The following NLRC5 variants were observed in gnomAD, a reference collection of about 807,000 sequenced individuals.
NLRC5 encodes the protein NLR family CARD domain containing 5, also known as protein NLRC5.
NLRC5 carries 114 observed loss-of-function variants against 206.9 expected under a neutral mutation model. That is an observed-to-expected ratio of 0.55 (90% CI 0.47 to 0.64). The LOEUF (loss-of-function observed/expected upper bound fraction) is 0.64, where lower values mean the gene tolerates loss of function less well. Among genes scored for constraint, NLRC5 ranks in the 30% least tolerant of loss-of-function variants. The pLI is 0.00. For missense variants in NLRC5, 2,008 were observed against 2,305.5 expected, an observed-to-expected ratio of 0.87 and a Z score of 2.64; for synonymous variants, 952 against 962.8, an observed-to-expected ratio of 0.99 and a Z score of 0.21.
intron 48 of NLRC5, 24 bp from the exon 49 acceptor site, chr16:57,082,393 A>G (rs1234237923): frequency 3.3e-6 from 5 of 1,535,646 alleles, no homozygotes; most frequent in Non-Finnish European, 3.6e-6. Context: ...AGGATGAATG[A>G]GTGCCTATAT....
intron 25 of NLRC5, 24 bp from the exon 26 acceptor site, chr16:57,055,008 T>A (rs772069146): frequency 4.3e-6 from 7 of 1,614,030 alleles, no homozygotes; most frequent in Non-Finnish European, 5.9e-6. Context: ...CACAGCTGTC[T>A]GACCCAGGTC....
At chr16:57,040,463 T>C (rs1046642705) in intron 16 of NLRC5, among the ~76,000 whole-genome samples, 187 bp from the exon 17 acceptor site, 1 of 152,134 alleles carries the variant, frequency 6.6e-6, no homozygotes, top group Non-Finnish European at 1.5e-5. Context: ...ACATACAGTC[T>C]CCCATTGAGA....
chr16:57,048,035 G>A (rs1334549166), intron 23 of NLRC5: 3 of 184,264 alleles, frequency 1.6e-5, no homozygotes, highest in South Asian at 1.4e-4. Flanking sequence ...CACCTCACTC[G>A]CCCCAGAACA....
chr16:57,078,000 C>T lies in NLRC5; in HGVS notation c.5061C>T (p.Pro1687=), dbSNP rs2145096108. Reference sequence around the variant, plus strand: ...CCCTGGGGCTGGCTCAGGAGCTGCCCCAGCACCTGAGGGTCCTACAGTGAG... The same window carrying T: ...CCCTGGGGCTGGCTCAGGAGCTGCCTCAGCACCTGAGGGTCCTACAGTGAG... The part of the protein sequence containing the change: ...PTALGLAQEL[P]QHLRVLHLPF... Residue 1687 remains proline (P), a synonymous_variant, in exon 43 of 49, where the codon CCC becomes CCT. Coordinates refer to ENST00000688547, the MANE Select transcript of NLRC5 (RefSeq NM_001384950.1). 1 of 1,609,624 alleles carries T rather than the reference C, an allele frequency of 6.2e-7. No individual in the cohort carries two copies. The highest frequency in any genetic ancestry group is 8.5e-7 in the Non-Finnish European group (1 of 1,177,378).
intron 10 of NLRC5, among the ~76,000 whole-genome samples, chr16:57,030,986 G>C (rs1477680318): frequency 6.6e-6 from 1 of 152,108 alleles, no homozygotes. Context: ...TGTGGTTCCA[G>C]CTATTTGGGA....
chr16:57,015,636 A>C (rs1250170315), intron 1 of NLRC5, among the ~76,000 whole-genome samples: 2 of 144,050 alleles, frequency 1.4e-5, no homozygotes, highest in Middle Eastern at 3.4e-3. Context: ...ATAAATAAAT[A>C]AAGGAAAGAG....
At chr16:57,077,888 G>C in intron 42 of NLRC5, 55 bp from the exon 43 acceptor site, 1 of 1,606,578 alleles carries the variant, frequency 6.2e-7, no homozygotes, top group Non-Finnish European at 8.5e-7. Flanking sequence ...AGGGCAGGGC[G>C]GGGGTCCCGA....
At chr16:57,059,606 C>T (rs2144610266) in intron 30 of NLRC5, 74 bp downstream of exon 30, 5 of 1,382,744 alleles carry the variant, frequency 3.6e-6, no homozygotes, top group Non-Finnish European at 4.9e-6. Context: ...CCTCCATGGC[C>T]CCCTCTTCCC....
intron 37 of NLRC5, 118 bp from the exon 38 acceptor site, chr16:57,070,417 A>G: frequency 1.2e-6 from 1 of 808,424 alleles, no homozygotes; most frequent in Non-Finnish European, 2.1e-6. Flanking sequence ...GGCCCAGGGC[A>G]TGCAGATGCA....
chr16:57,061,636 G>T lies in NLRC5; in HGVS notation c.4089G>T (p.Leu1363=). Residue 1363 remains leucine (L), a synonymous_variant, in exon 32 of 49, where the codon CTG becomes CTT. Coordinates refer to ENST00000688547, the MANE Select transcript of NLRC5 (RefSeq NM_001384950.1). ...TCTCCAGGCTGACCCAGTGCTGCCT[G>T]GGCCAGAAGCAGCTGGCCATCCTCC... ...LTELTLTQCC[L]GQKQLAILLS... 6.2e-7 allele frequency: 1 copy of T among 1,610,370 alleles called. No homozygotes were observed.
intron 30 of NLRC5, 85 bp from the exon 31 acceptor site, chr16:57,061,363 A>G (rs112785053): frequency 5.6e-5 from 76 of 1,358,526 alleles, no homozygotes; most frequent in East Asian, 4.8e-4. Context: ...TGCTCCCCCA[A>G]TAGGCCCTCA....
chr16:57,064,797 G>T (rs1319508739), intron 32 of NLRC5, among the ~76,000 whole-genome samples: 1 of 152,260 alleles, frequency 6.6e-6, no homozygotes, highest in Middle Eastern at 3.4e-3. Context: ...GGTGGCGCAT[G>T]CCTGTAATCC....
chr16:57,055,557 A>G, intron 27 of NLRC5, 38 bp downstream of exon 27: 1 of 1,556,546 alleles, frequency 6.4e-7, no homozygotes, highest in Non-Finnish European at 8.9e-7. Context: ...AGGAGCATGG[A>G]CGCATGCCTG....
intron 1 of NLRC5, among the ~76,000 whole-genome samples, chr16:57,011,181 G>A (rs1193943413): frequency 6.6e-6 from 1 of 151,146 alleles, no homozygotes; most frequent in African/African-American, 2.4e-5. Flanking sequence ...GGGAGGCCGA[G>A]GCAGGTGGAT....
Position 57,055,070 on chromosome 16 carries a change from A to T in NLRC5, c.3635A>T (p.Glu1212Val), listed in dbSNP as rs764182772. ...HHATLHFRSN[E>V]EEEGVCCGRF... is the part of the protein sequence containing the mutation. ...GCAACTTTGCACTTCAGATCCAACG[A>T]GGAGGAGGAAGGCGTGTGCTGTGGG... The change falls in exon 26 of 49, where the codon GAG becomes GTG. Residue 1212 changes from glutamate (E) to valine (V), a missense_variant. By Grantham distance (121) the Glu-to-Val change is moderately radical. Transcript: ENST00000688547. 6.2e-7 allele frequency: 1 copy of T among 1,614,212 alleles called. No homozygotes were observed. Among genetic ancestry groups the T allele is most frequent in the Non-Finnish European group, 8.5e-7 (1 of 1,180,032 alleles).
chr16:57,023,705 G>T (rs1323467795), intron 4 of NLRC5, 80 bp from the exon 5 acceptor site: 1 of 1,219,554 alleles, frequency 8.2e-7, no homozygotes. Flanking sequence ...CTGTGGACTG[G>T]AGTTCCCCAA....
chr16:56,998,293 C>T (rs755664861), intron 1 of NLRC5, among the ~76,000 whole-genome samples: 1 of 151,122 alleles, frequency 6.6e-6, no homozygotes, highest in African/African-American at 2.4e-5. Context: ...ACTTTTTATA[C>T]ATAAAGCTGA....
At chr16:57,047,294 G>T (rs1410278474) in intron 22 of NLRC5, among the ~76,000 whole-genome samples, 2 of 152,124 alleles carry the variant, frequency 1.3e-5, no homozygotes, top group African/African-American at 4.8e-5. Flanking sequence ...TCTGGAGGGG[G>T]CGGTGGGGAG....
At chr16:57,013,019 T>G (rs16965033) in intron 1 of NLRC5, 9,847 of 165,252 alleles carry the variant, frequency 0.06, 326 homozygotes, top group South Asian at 0.091. Flanking sequence ...TGTATATTTT[T>G]ATACTACAAA....
Sources: allele counts gnomAD v4.1 joint callset (sites outside exome capture counted in the v4.1 genomes callset), GRCh38; gene constraint gnomAD v4.1.1; transcripts MANE v1.5; gene names NCBI Gene and HGNC (gene_info 2026-07-23, HGNC 2026-07-21).